The following PELI2 variants were observed in gnomAD, a reference collection of about 807,000 sequenced individuals.
PELI2 encodes the protein pellino E3 ubiquitin protein ligase family member 2.
A neutral mutation model predicts 42.3 loss-of-function variants in PELI2; 23 were observed. The ratio of observed to expected loss-of-function variants is 0.54; its 90% confidence interval spans 0.39 to 0.77. The LOEUF is 0.77. Among genes scored for constraint, PELI2 ranks in the 30% least tolerant of loss-of-function variants. PELI2 has a pLI of 0.00. For missense variants in PELI2, 463 were observed against 553.2 expected (o/e 0.84, Z 1.64); for synonymous variants, 245 against 212.2 (o/e 1.15, Z -1.34).
chr14:56,125,636 C>T (rs890128572), intron 1 of PELI2, among the ~76,000 whole-genome samples: 7 of 152,046 alleles, frequency 4.6e-5, no homozygotes, highest in East Asian at 1.9e-4. Context: ...TAAGAGGCAA[C>T]GTATATAAGC....
At chr14:56,269,063 G>T (rs978916432) in intron 2 of PELI2, among the ~76,000 whole-genome samples, 5 of 152,146 alleles carry the variant, frequency 3.3e-5, no homozygotes, top group Admixed American at 3.3e-4. Flanking sequence ...ATATAGATAT[G>T]TGACTGAGTC....
At chr14:56,120,068 G>GTGGT (rs1883006516) in intron 1 of PELI2, among the ~76,000 whole-genome samples, 1 of 152,186 alleles carries the variant, frequency 6.6e-6, no homozygotes, top group Non-Finnish European at 1.5e-5. Context: ...TTAAGTGGGG[G>GTGGT]TGGTATTGGA....
chr14:56,203,233 G>A (rs975452435), intron 2 of PELI2, among the ~76,000 whole-genome samples: 16 of 152,036 alleles, frequency 1.1e-4, no homozygotes, highest in Non-Finnish European at 2.9e-5. Context: ...CCAGCTACTC[G>A]GGAGGCTGAG....
chr14:56,146,206 A>G (rs1884111969), intron 1 of PELI2, among the ~76,000 whole-genome samples: 1 of 152,108 alleles, frequency 6.6e-6, no homozygotes. Flanking sequence ...GTATGATTTC[A>G]TTTGGTCTCC....
chr14:56,300,157 A>G lies in PELI2; in HGVS notation c.*2991A>G, dbSNP rs1890131048. The G allele has an allele frequency of 6.6e-6, 1 of 152,640 alleles. No homozygotes were observed. The allele number at this position is 152,640 out of a possible 1,614,324, so 9.5% of individuals were successfully genotyped here. The stretch of plus-strand genomic sequence containing the variant: ...TAGAGAACATATTTATCATTCCTCG[A>G]TAGTTAATTATAGACTTTGGTACCT... On this transcript the variant is annotated 3_prime_UTR_variant, in exon 6 of 6. Coordinates refer to ENST00000267460, the MANE Select transcript of PELI2 (RefSeq NM_021255.3).
At chr14:56,119,884 G>A (rs1249101410) in intron 1 of PELI2, 7 of 979,768 alleles carry the variant, frequency 7.1e-6, no homozygotes, top group African/African-American at 3.5e-5. Context: ...ACACATATGA[G>A]GAGTCATGGC....
intron 1 of PELI2, 123 bp downstream of exon 1, chr14:56,118,860 A>G: frequency 1.9e-6 from 1 of 540,252 alleles, no homozygotes; most frequent in Non-Finnish European, 2.9e-6. Context: ...GGGCGGCAGG[A>G]GAGGCTCTCA....
intron 1 of PELI2, among the ~76,000 whole-genome samples, chr14:56,177,420 A>G (rs919878823): frequency 2.0e-5 from 3 of 152,182 alleles, no homozygotes; most frequent in African/African-American, 7.2e-5. Context: ...ACCTCTGTAA[A>G]TTTTAAATGT....
At chr14:56,124,993 G>C (rs1183909027) in intron 1 of PELI2, among the ~76,000 whole-genome samples, 1 of 152,156 alleles carries the variant, frequency 6.6e-6, no homozygotes. Context: ...ACTGTCTCAG[G>C]GTTTTGCTAG....
intron 1 of PELI2, among the ~76,000 whole-genome samples, chr14:56,120,744 A>T (rs767351221): frequency 6.6e-6 from 1 of 152,180 alleles, no homozygotes; most frequent in Non-Finnish European, 1.5e-5. Context: ...TGACAATTTC[A>T]GGTGCAGCCA....
intron 2 of PELI2, among the ~76,000 whole-genome samples, chr14:56,260,007 A>G (rs1888657219): frequency 6.6e-6 from 1 of 152,156 alleles, no homozygotes; most frequent in Non-Finnish European, 1.5e-5. Flanking sequence ...TCTGGATATT[A>G]TTGACATACC....
rs566444049 is a variant in PELI2 at position 56,278,101 on chromosome 14, A to G, written c.208-1575A>G. The stretch of plus-strand genomic sequence containing the variant: ...GTAAATTGAATGCATTTAAAATGCA[A>G]TAGATACTTTATAGGAAACCCTAAA... On this transcript the variant is annotated intron_variant, in intron 2 of 5. Coordinates refer to ENST00000267460, the MANE Select transcript of PELI2 (RefSeq NM_021255.3). Among the ~76,000 whole-genome samples the G allele has an allele frequency of 6.8e-4, 103 of 152,350 alleles. 1 individual carries two copies. The highest frequency in any genetic ancestry group is 2.4e-3 in the African/African-American group (98 of 41,584).
intron 2 of PELI2, among the ~76,000 whole-genome samples, chr14:56,231,924 G>A (rs878897584): frequency 6.6e-6 from 1 of 152,004 alleles, no homozygotes; most frequent in Non-Finnish European, 1.5e-5. Flanking sequence ...TGATAAAGGG[G>A]ATATCACCAC....
At chr14:56,223,639 A>G (rs565790378) in intron 2 of PELI2, among the ~76,000 whole-genome samples, 2 of 152,196 alleles carry the variant, frequency 1.3e-5, no homozygotes, top group African/African-American at 2.4e-5. Flanking sequence ...AGTTGCATAC[A>G]TGTCTTGATT....
In PELI2 at chr14:56,273,169, T is replaced by A. The variant is rs1205623110; in HGVS notation, c.208-6507T>A. ...TCTCACAGAGGCTTCTCCATGCACATGTCTGCATCTTGGTGCTCCCAGGCC... is the reference window on the plus strand; with the variant it reads ...TCTCACAGAGGCTTCTCCATGCACAAGTCTGCATCTTGGTGCTCCCAGGCC... On this transcript the variant is annotated intron_variant, in intron 2 of 5. Transcript: ENST00000267460. This position sits in a 1 kb window ranked among gnomAD's most constrained non-coding sequence, Gnocchi z 4.3. Among the ~76,000 whole-genome samples the A allele has an allele frequency of 3.3e-5, 5 of 152,216 alleles. No homozygotes were observed.
At chr14:56,254,898 C>T (rs1361260265) in intron 2 of PELI2, among the ~76,000 whole-genome samples, 1 of 152,224 alleles carries the variant, frequency 6.6e-6, no homozygotes, top group Non-Finnish European at 1.5e-5. Context: ...TCCATTATCA[C>T]TGGTCATCAG....
intron 2 of PELI2, among the ~76,000 whole-genome samples, chr14:56,231,324 T>C (rs7140289): frequency 0.4 from 61,003 of 151,722 alleles, 12,927 homozygotes; most frequent in South Asian, 0.53. Flanking sequence ...AGCACCACAT[T>C]GCACTTATTC....
chr14:56,155,445 C>A (rs916894464), intron 1 of PELI2, among the ~76,000 whole-genome samples: 1 of 152,132 alleles, frequency 6.6e-6, no homozygotes, highest in African/African-American at 2.4e-5. Flanking sequence ...TTCCCTAGCA[C>A]AATCGATTAG....
chr14:56,185,056 A>C (rs569410162), intron 2 of PELI2, among the ~76,000 whole-genome samples: 4 of 151,854 alleles, frequency 2.6e-5, no homozygotes, highest in African/African-American at 9.7e-5. Flanking sequence ...TTATATGGCT[A>C]TTTTTTTATT....
Sources: allele counts gnomAD v4.1 joint callset (sites outside exome capture counted in the v4.1 genomes callset), GRCh38; gene constraint gnomAD v4.1.1; non-coding constraint Gnocchi (gnomAD v3.1); transcripts MANE v1.5; gene names NCBI Gene and HGNC (gene_info 2026-07-23, HGNC 2026-07-21).